The following PELI3 variants were observed in gnomAD, a reference collection of about 807,000 sequenced individuals.
PELI3 encodes the protein E3 ubiquitin-protein ligase pellino homolog 3.
A neutral mutation model predicts 35.5 loss-of-function variants in PELI3; 19 were observed. The ratio of observed to expected loss-of-function variants is 0.54; its 90% CI spans 0.37 to 0.79. The LOEUF (loss-of-function observed/expected upper bound fraction) is 0.79. Among genes scored for constraint, PELI3 ranks in the 30% least tolerant of loss-of-function variants. The pLI is 0.00. For synonymous variants in PELI3, 262 were observed against 279.2 expected (o/e 0.94, Z 0.62); for missense variants, 490 against 661.2 (o/e 0.74, Z 2.84).
At position 66,475,902 on chromosome 11, in the gene PELI3, G is replaced by A. The variant is rs558065068; in HGVS notation, c.1145G>A (p.Arg382His). 37 of 1,608,746 alleles carry A rather than the reference G, an allele frequency of 2.3e-5. No individual in the cohort carries two copies. Among genetic ancestry groups the A allele is most frequent in the Non-Finnish European group, 2.8e-5 (33 of 1,178,014 alleles). Residue 382 changes from arginine (R) to histidine (H), a missense_variant, in exon 8 of 8, where the codon CGC (arginine) becomes CAC (histidine). Physicochemically the swap from Arg to His is conservative, Grantham distance 29. Around this residue, in one of 3 missense-constraint regions of PELI3, gnomAD observed 349 missense variants for 484.8 expected, o/e 0.72. Transcript: ENST00000320740. ...CGGCGGGAGCGGGGCCCCCAGGAGC[G>A]CGAATGTCCTCTCTGCCGCCTTGTG... The part of the protein sequence containing the change: ...GCRRERGPQE[R>H]ECPLCRLVGP...
chr11:66,468,751 C>T (rs1590716389), intron 2 of PELI3, 82 bp from the exon 3 acceptor site: 8 of 743,302 alleles, frequency 1.1e-5, no homozygotes, highest in South Asian at 8.8e-5. Flanking sequence ...TAGAACAGCG[C>T]CTAGCACATA....
intron 3 of PELI3, among the ~76,000 whole-genome samples, chr11:66,469,947 CCA>C (rs539920387): frequency 3.8e-4 from 57 of 151,946 alleles, no homozygotes; most frequent in African/African-American, 1.3e-3. Flanking sequence ...TTACAGGCAC[CCA>C]CCAGCATGCC....
chr11:66,474,264 G>GGCC (rs1371724803), intron 7 of PELI3: 2 of 595,898 alleles, frequency 3.4e-6, no homozygotes, highest in Non-Finnish European at 5.9e-6. Flanking sequence ...AGTGACACTT[G>GGCC]GCCCATGTGT....
chr11:66,472,220 AC>A (rs1402269633), intron 4 of PELI3, 148 bp from the exon 5 acceptor site: 2 of 609,288 alleles, frequency 3.3e-6, no homozygotes, highest in Non-Finnish European at 5.9e-6. Context: ...ATCATGTGAA[AC>A]ATCTGCTGCA....
At position 66,467,294 on chromosome 11, in the gene PELI3, C is replaced by T. The variant is rs7928882; in HGVS notation, c.-2+267C>T. On this transcript the variant is annotated intron_variant, in intron 1 of 7. Coordinates refer to ENST00000320740, the MANE Select transcript of PELI3 (RefSeq NM_145065.3). The surrounding 1 kb of genome is among the most constrained non-coding windows in gnomAD (Gnocchi z 4.2). ...CTGCGTAGGTGCTGGGCCGCGGTTCCCGTTCTGCCCGCCCGGGGCGCAGGG... is the reference window on the plus strand; with the variant it reads ...CTGCGTAGGTGCTGGGCCGCGGTTCTCGTTCTGCCCGCCCGGGGCGCAGGG... 0.25 allele frequency: 37,537 copies of T among 151,502 alleles called. 4,952 individuals carry two copies. The highest frequency in any genetic ancestry group is 0.26 in the African/African-American group (10,735 of 41,354). 9.4% of individuals were successfully genotyped at this position (151,502 alleles called of 1,614,324 possible).
Position 66,468,837 on chromosome 11 carries a change from T to C in PELI3, c.157T>C (p.Cys53Arg), listed in dbSNP as rs771417064. 1.3e-6 allele frequency: 1 copy of C among 780,210 alleles called. No individual in the cohort carries two copies. Among genetic ancestry groups the C allele is most frequent in the Non-Finnish European group, 2.4e-6 (1 of 417,720 alleles). 48.3% of individuals were successfully genotyped at this position (780,210 alleles called of 1,614,324 possible). A position where few individuals can be genotyped will look rare whatever the true frequency, so the allele number is the denominator to read the frequency against. Reference sequence around the variant, plus strand: ...TTCATTTCAATCTTCACAAAGATGCTGTGAGGAAGGAGGTGAGGAAACCGA... The same window carrying C: ...TTCATTTCAATCTTCACAAAGATGCCGTGAGGAAGGAGGTGAGGAAACCGA... ...KYGELIVLGC[C>R]EEGGEETEAQ... The change falls in exon 3 of 8, where the codon TGT (cysteine) becomes CGT (arginine). Residue 53 changes from cysteine (C) to arginine (R), a missense_variant. Cys to Arg is a radical substitution (Grantham distance 180). Coordinates refer to ENST00000320740, the MANE Select transcript of PELI3 (RefSeq NM_145065.3).
Position 66,476,050 on chromosome 11 carries a change from CCA to C in PELI3, c.1294_1295del (p.Gln432AspfsTer104). ...CSEKTARYWA[Q>X]TPLPHGTHAF... ...CTGAGAAGACTGCCCGCTACTGGGC[CCA>C]GACACCACTGCCCCACGGCACCCAT... On this transcript the variant is annotated frameshift_variant, in exon 8 of 8. Transcript: ENST00000320740. LOFTEE classifies it high-confidence loss of function. The C allele has an allele frequency of 6.2e-7, 1 of 1,611,058 alleles. No homozygotes were observed. The highest frequency in any genetic ancestry group is 8.5e-7 in the Non-Finnish European group (1 of 1,179,692).
rs755977184 is a variant in PELI3, at chr11:66,468,893, G to A, written c.213G>A (p.Arg71=). The change falls in exon 3 of 8, where the codon AGG becomes AGA. Residue 71 remains arginine, a synonymous_variant. Transcript: ENST00000320740. ...EAQRGEVTGP[R]AHSCYNGCLA... Reference sequence around the variant, plus strand: ...AGAGAGGGGAAGTGACTGGCCCAAGGGCACACAGCTGGTAAGTGGCAGGGC... The same window carrying A: ...AGAGAGGGGAAGTGACTGGCCCAAGAGCACACAGCTGGTAAGTGGCAGGGC... 2.6e-6 allele frequency: 2 copies of A among 773,856 alleles called. No individual in the cohort carries two copies. The highest frequency in any genetic ancestry group is 4.9e-5 in the East Asian group (2 of 41,090). The allele number at this position is 773,856 out of a possible 1,614,324, so 47.9% of individuals were successfully genotyped here.
chr11:66,472,326 C>T (rs751419691), intron 4 of PELI3, 43 bp from the exon 5 acceptor site: 31 of 1,512,174 alleles, frequency 2.1e-5, no homozygotes, highest in Middle Eastern at 1.7e-4. Flanking sequence ...ATACACTTAT[C>T]ATGGCTGCAC....
Position 66,473,950 on chromosome 11 carries a change from C to T in PELI3, c.840+25C>T. 6.2e-7 allele frequency: 1 copy of T among 1,610,686 alleles called. No individual in the cohort carries two copies. The highest frequency in any genetic ancestry group is 8.5e-7 in the Non-Finnish European group (1 of 1,179,792). Reference sequence around the variant, plus strand: ...GGTAGGTGGCCCGCTCCATTCCCCACCCCTATCCTTGCCAGGCCCTCACAA... The same window carrying T: ...GGTAGGTGGCCCGCTCCATTCCCCATCCCTATCCTTGCCAGGCCCTCACAA... On this transcript the variant is annotated intron_variant, in intron 7 of 7. Transcript: ENST00000320740. The surrounding 1 kb of genome is among the most constrained non-coding windows in gnomAD (Gnocchi z 5.8).
chr11:66,471,173 AG>A (rs1854701295), intron 3 of PELI3, 68 bp from the exon 4 acceptor site: 2 of 1,517,588 alleles, frequency 1.3e-6, no homozygotes, highest in Admixed American at 3.6e-5. Context: ...AAGTCTCATC[AG>A]GGGTTCACTT....
At chr11:66,471,179 T>C in intron 3 of PELI3, 63 bp from the exon 4 acceptor site, 2 of 1,528,260 alleles carry the variant, frequency 1.3e-6, no homozygotes, top group South Asian at 1.2e-5. Flanking sequence ...CATCAGGGGT[T>C]CACTTTCTCT....
In PELI3 at chr11:66,476,253, C is replaced by T; in HGVS notation, c.*86C>T. On this transcript the variant is annotated 3_prime_UTR_variant, in exon 8 of 8. Transcript: ENST00000320740. The stretch of plus-strand genomic sequence containing the variant: ...CCCAGAGGGAGCTCTGCATGTGGGA[C>T]ACTCCCTGCTGGCACAGCCACACCA... 2 of 1,349,166 alleles carry T rather than the reference C, an allele frequency of 1.5e-6. No homozygotes were observed. Among genetic ancestry groups the T allele is most frequent in the Non-Finnish European group, 2.0e-6 (2 of 1,004,286 alleles). 83.6% of individuals were successfully genotyped at this position (1,349,166 alleles called of 1,614,324 possible). A position where few individuals can be genotyped will look rare whatever the true frequency, so the allele number is the denominator to read the frequency against.
intron 2 of PELI3, 66 bp downstream of exon 2, chr11:66,468,346 C>G: frequency 7.3e-7 from 1 of 1,375,068 alleles, no homozygotes; most frequent in Non-Finnish European, 9.5e-7. Flanking sequence ...AGAACAAGGG[C>G]CCGACCCCTC....
intron 7 of PELI3, 77 bp from the exon 8 acceptor site, chr11:66,475,521 A>G (rs1335531824): frequency 3.3e-6 from 5 of 1,512,776 alleles, no homozygotes; most frequent in Non-Finnish European, 4.5e-6. Context: ...TGTCCTCTCC[A>G]GGGAGGCTCT....
intron 3 of PELI3, 60 bp from the exon 4 acceptor site, chr11:66,471,182 C>G: frequency 1.6e-5 from 25 of 1,515,290 alleles, no homozygotes; most frequent in Non-Finnish European, 2.3e-5. Context: ...CAGGGGTTCA[C>G]TTTCTCTCTT....
At position 66,475,681 on chromosome 11, in the gene PELI3, G is replaced by A. The variant is rs1384351466; in HGVS notation, c.924G>A (p.Gly308=). 6.2e-7 allele frequency: 1 copy of A among 1,612,526 alleles called. No individual in the cohort carries two copies. The highest frequency in any genetic ancestry group is 1.7e-5 in the Admixed American group (1 of 60,000). Residue 308 remains glycine, a synonymous_variant, in exon 8 of 8, where the codon GGG becomes GGA. Coordinates refer to ENST00000320740, the MANE Select transcript of PELI3 (RefSeq NM_145065.3). The part of the protein sequence containing the change: ...GATLLWRTPA[G]LLRAPTLKQL... ...CACTGCTGTGGCGCACACCGGCGGG[G>A]CTGCTGCGGGCTCCCACACTGAAGC...
rs958022249 is a variant in PELI3 at position 66,476,643 on chromosome 11, C to A, written c.*476C>A. 19 of 176,248 alleles carry A rather than the reference C, an allele frequency of 1.1e-4. No homozygotes were observed. Among genetic ancestry groups the A allele is most frequent in the Admixed American group, 6.0e-5 (1 of 16,626 alleles). 10.9% of individuals were successfully genotyped at this position (176,248 alleles called of 1,614,324 possible). On this transcript the variant is annotated 3_prime_UTR_variant, in exon 8 of 8. Coordinates refer to ENST00000320740, the MANE Select transcript of PELI3 (RefSeq NM_145065.3). ...CCACAAGTCCCACATGCCCCGCATGCGTGCAATGCCTCCAGCCCCCAAGTG... is the reference window on the plus strand; with the variant it reads ...CCACAAGTCCCACATGCCCCGCATGAGTGCAATGCCTCCAGCCCCCAAGTG...
upstream of PELI3, chr11:66,466,453 G>C (rs1045222932): frequency 2.0e-5 from 3 of 152,426 alleles, no homozygotes; most frequent in Non-Finnish European, 4.4e-5. Context: ...ATGGTAGGCG[G>C]GGTGTCGGAG....
Sources: allele counts gnomAD v4.1 joint callset (sites outside exome capture counted in the v4.1 genomes callset), GRCh38; gene constraint gnomAD v4.1.1; regional missense constraint gnomAD v4.1.1; non-coding constraint Gnocchi (gnomAD v3.1); transcripts MANE v1.5; gene names NCBI Gene and HGNC (gene_info 2026-07-23, HGNC 2026-07-21).